Variants in AP2B1 observed in about 807,000 individuals in gnomAD.
AP2B1 encodes adaptor related protein complex 2 subunit beta 1, also known as AP-2 complex subunit beta.
In AP2B1, 23 loss-of-function variants were observed where a neutral mutation model predicts 102.0. The observed-to-expected ratio is 0.23, with a 90% CI of 0.16 to 0.32. The LOEUF is 0.32. AP2B1 is among the 10% of genes least tolerant of loss of function. The probability of loss-of-function intolerance (pLI) is 1.00; values close to 1 mark genes in which losing one functional copy is unlikely to be tolerated. For synonymous variants in AP2B1, 381 were observed against 421.2 expected, an observed-to-expected ratio of 0.90 and a Z score of 1.17; for missense variants, 541 against 1,157.4, an observed-to-expected ratio of 0.47 and a Z score of 7.73.
rs763086165 is a variant in AP2B1, at chr17:35,627,492, C to A, written c.1046C>A (p.Ala349Asp). 6.2e-7 allele frequency: 1 copy of A among 1,613,960 alleles called. No homozygotes were observed. The highest frequency in any genetic ancestry group is 8.5e-7 in the Non-Finnish European group (1 of 1,179,976). ...LDIMIRLASQ[A>D]NIAQVLAELK... ...ATCATGATTCGTTTGGCATCTCAAG[C>A]CAACATTGCTCAGGTCAGACTTTAT... Residue 349 changes from alanine to aspartate, a missense_variant, in exon 8 of 22, where the codon GCC becomes GAC. Transcript: ENST00000610402.
intron 5 of AP2B1, among the ~76,000 whole-genome samples, chr17:35,614,532 G>T (rs2073957137): frequency 6.6e-6 from 1 of 151,756 alleles, no homozygotes; most frequent in South Asian, 2.1e-4. Flanking sequence ...AGTCCCTTTG[G>T]TTTACTGCGT....
intron 18 of AP2B1, among the ~76,000 whole-genome samples, chr17:35,700,961 A>G (rs1362583695): frequency 1.3e-5 from 2 of 152,258 alleles, no homozygotes; most frequent in East Asian, 1.9e-4. Flanking sequence ...CATGTTGCAC[A>G]TGACATACCA....
chr17:35,626,885 G>T (rs1171585163), intron 7 of AP2B1, 43 bp downstream of exon 7: 3 of 1,549,034 alleles, frequency 1.9e-6, no homozygotes, highest in Admixed American at 1.7e-5. Flanking sequence ...TTGTAATTTT[G>T]CATTAAGCTT....
intron 13 of AP2B1, chr17:35,651,042 T>C: frequency 7.6e-6 from 3 of 393,900 alleles, no homozygotes; most frequent in Non-Finnish European, 1.4e-5. Flanking sequence ...TAGGAGTACA[T>C]TATGGCTTTA....
intron 12 of AP2B1, among the ~76,000 whole-genome samples, chr17:35,645,002 A>G (rs2074887567): frequency 1.3e-5 from 2 of 152,004 alleles, no homozygotes; most frequent in South Asian, 2.1e-4. Flanking sequence ...ACTGCACTCC[A>G]GGCTGGGTAA....
chr17:35,698,138 A>G (rs775297366), intron 18 of AP2B1, among the ~76,000 whole-genome samples: 2 of 152,166 alleles, frequency 1.3e-5, no homozygotes, highest in Admixed American at 6.5e-5. Flanking sequence ...TTTACTTGCT[A>G]TTAGAAAGTT....
chr17:35,693,014 C>T (rs1164065162), intron 18 of AP2B1, among the ~76,000 whole-genome samples: 7 of 105,872 alleles, frequency 6.6e-5, no homozygotes, highest in Admixed American at 1.2e-4. Context: ...TGGCGCGGGG[C>T]GGTGGGGGGA....
At chr17:35,711,093 G>T (rs782613730) in intron 20 of AP2B1, among the ~76,000 whole-genome samples, 7 of 152,178 alleles carry the variant, frequency 4.6e-5, no homozygotes, top group Admixed American at 2.0e-4. Flanking sequence ...AGTCCCTTGG[G>T]CTGTGTTTCT....
chr17:35,618,306 T>C (rs1157088382), intron 5 of AP2B1, among the ~76,000 whole-genome samples: 1 of 152,218 alleles, frequency 6.6e-6, no homozygotes, highest in Non-Finnish European at 1.5e-5. Flanking sequence ...ATTCTAACAC[T>C]GCTAATTTAG....
At chr17:35,602,085 T>G (rs144751705) in intron 3 of AP2B1, among the ~76,000 whole-genome samples, 102 of 152,336 alleles carry the variant, frequency 6.7e-4, no homozygotes, top group African/African-American at 2.3e-3. Flanking sequence ...TTAAAACTCT[T>G]GATTTTTTTT....
Position 35,590,235 on chromosome 17 carries a change from C to T in AP2B1, c.-24+2807C>T, listed in dbSNP as rs115306608. Reference sequence around the variant, plus strand: ...GACCGGCTGTAACTTCTAATGAAGACGTCAGTTTTTGCCATCCTGTATTTT... The same window carrying T: ...GACCGGCTGTAACTTCTAATGAAGATGTCAGTTTTTGCCATCCTGTATTTT... On this transcript the variant is annotated intron_variant, in intron 1 of 21. Coordinates refer to ENST00000610402, the MANE Select transcript of AP2B1 (RefSeq NM_001030006.2). Among the ~76,000 whole-genome samples, 1,302 of 152,198 alleles carry T rather than the reference C, an allele frequency of 8.6e-3. 11 individuals are homozygous for T. Among genetic ancestry groups the T allele is most frequent in the African/African-American group, 0.026 (1,062 of 41,516 alleles).
intron 10 of AP2B1, among the ~76,000 whole-genome samples, chr17:35,638,095 C>T (rs1271031082): frequency 1.3e-5 from 2 of 152,288 alleles, no homozygotes; most frequent in Non-Finnish European, 2.9e-5. Context: ...TTGCCTCAGC[C>T]TCTCCAGTAG....
At chr17:35,629,402 A>T (rs78677212) in intron 9 of AP2B1, among the ~76,000 whole-genome samples, 4,086 of 151,136 alleles carry the variant, frequency 0.027, 78 homozygotes, top group Middle Eastern at 0.054. Context: ...TGTTTTTTCT[A>T]CTCTGACTGA....
chr17:35,678,929 G>A (rs751725146), intron 17 of AP2B1, among the ~76,000 whole-genome samples: 1 of 151,420 alleles, frequency 6.6e-6, no homozygotes, highest in Non-Finnish European at 1.5e-5. Flanking sequence ...TTCTTTTACT[G>A]TTGTGTGGTC....
At chr17:35,674,053 T>C in intron 16 of AP2B1, 123 bp from the exon 17 acceptor site, 1 of 937,448 alleles carries the variant, frequency 1.1e-6, no homozygotes. Flanking sequence ...ATTACTATAA[T>C]TGCCTAAGGA....
intron 21 of AP2B1, among the ~76,000 whole-genome samples, chr17:35,720,573 A>ATTTATATTTTTTTT (rs2085351578): frequency 3.6e-5 from 1 of 28,074 alleles, no homozygotes; most frequent in African/African-American, 1.4e-4. Flanking sequence ...ATATATATAT[A>ATTTATATTTTTTTT]TTTTTTTTTT....
intron 5 of AP2B1, among the ~76,000 whole-genome samples, chr17:35,611,464 C>CGTGT (rs150048485): frequency 0.01 from 1,582 of 151,152 alleles, 26 homozygotes; most frequent in African/African-American, 0.036. Flanking sequence ...GCAGTAAAGT[C>CGTGT]GTGTGTGTGT....
chr17:35,678,888 A>G (rs1034852211), intron 17 of AP2B1, among the ~76,000 whole-genome samples: 6 of 152,002 alleles, frequency 3.9e-5, no homozygotes, highest in Non-Finnish European at 5.9e-5. Context: ...CCCTCACCTC[A>G]CATTATCTGG....
intron 14 of AP2B1, among the ~76,000 whole-genome samples, chr17:35,664,822 CTT>C (rs951174855): frequency 1.8e-4 from 27 of 152,108 alleles, no homozygotes; most frequent in Non-Finnish European, 3.8e-4. Flanking sequence ...AAGAGGTTCT[CTT>C]GTTGATTTTT....
Sources: allele counts gnomAD v4.1 joint callset (sites outside exome capture counted in the v4.1 genomes callset), GRCh38; gene constraint gnomAD v4.1.1; transcripts MANE v1.5; gene names NCBI Gene and HGNC (gene_info 2026-07-23, HGNC 2026-07-21).